DZIP3: variants seen among roughly 807,000 people sequenced by gnomAD.
The protein encoded by DZIP3 is E3 ubiquitin-protein ligase DZIP3.
Under a neutral mutation model 162.0 loss-of-function variants are expected in DZIP3, and 118 were observed. That is an observed-to-expected ratio of 0.73 (90% CI 0.63 to 0.85). The LOEUF is 0.85. Among genes scored for constraint, DZIP3 ranks in the 40% least tolerant of loss-of-function variants. DZIP3 has a pLI of 0.00. For missense variants in DZIP3, 1,331 were observed against 1,407.0 expected, an observed-to-expected ratio of 0.95 and a Z score of 0.86; for synonymous variants, 438 against 458.6, an observed-to-expected ratio of 0.96 and a Z score of 0.57.
At position 108,693,937 on chromosome 3, in the gene DZIP3, T is replaced by A. The variant is rs1944790208; in HGVS notation, c.*584T>A. On this transcript the variant is annotated 3_prime_UTR_variant, in exon 33 of 33. Coordinates refer to ENST00000361582, the MANE Select transcript of DZIP3 (RefSeq NM_014648.4). ...AAAGCTTGTCACTAAGAATTTTCATTTTTAGGGGTCAAAAACCTATTTTGA... is the reference window on the plus strand; with the variant it reads ...AAAGCTTGTCACTAAGAATTTTCATATTTAGGGGTCAAAAACCTATTTTGA... 1 of 152,144 alleles carries A rather than the reference T, an allele frequency of 6.6e-6. No individual in the cohort carries two copies. The highest frequency in any genetic ancestry group is 2.4e-5 in the African/African-American group (1 of 41,444). 9.4% of individuals were successfully genotyped at this position (152,144 alleles called of 1,614,324 possible).
At chr3:108,643,751 G>C (rs561197405) in intron 13 of DZIP3, among the ~76,000 whole-genome samples, 1 of 151,844 alleles carries the variant, frequency 6.6e-6, no homozygotes, top group African/African-American at 2.4e-5. Context: ...ATCACATGAC[G>C]TTCCATTGGG....
At chr3:108,631,055 A>ATACACTCTCTCTCTCTCT (rs1553705360) in intron 8 of DZIP3, among the ~76,000 whole-genome samples, 1 of 18,014 alleles carries the variant, frequency 5.6e-5, no homozygotes, top group Non-Finnish European at 9.0e-5. Context: ...ACACACACAC[A>ATACACTCTCTCTCTCTCT]CTCTCTCTCT....
chr3:108,660,694 AACAGGCAACCT>A (rs1943380491), intron 19 of DZIP3, among the ~76,000 whole-genome samples: 1 of 152,222 alleles, frequency 6.6e-6, no homozygotes, highest in African/African-American at 2.4e-5. Context: ...CATCAGAGTC[AACAGGCAACCT>A]ACAGAATGGG....
At chr3:108,630,768 A>G (rs1941796460) in intron 8 of DZIP3, among the ~76,000 whole-genome samples, 1 of 151,868 alleles carries the variant, frequency 6.6e-6, no homozygotes, top group Admixed American at 6.6e-5. Context: ...TTTATGCACA[A>G]TAATATATAT....
Position 108,677,538 on chromosome 3 carries a change from T to C in DZIP3, c.2823T>C (p.Phe941=). ...AAATAAACAAAGTCAAGCAAGGATT[T>C]GCCTTGAGTACCTTGCCTCCAGTCC... ...NEQINKVKQG[F]ALSTLPPVQL... is the part of the protein sequence containing the mutation. Residue 941 remains phenylalanine, a synonymous_variant, in exon 26 of 33, where the codon TTT becomes TTC. Coordinates refer to ENST00000361582, the MANE Select transcript of DZIP3 (RefSeq NM_014648.4). 10 of 1,612,776 alleles carry C rather than the reference T, an allele frequency of 6.2e-6. No homozygotes were observed. The highest frequency in any genetic ancestry group is 7.6e-6 in the Non-Finnish European group (9 of 1,179,058).
chr3:108,613,829 A>G (rs1046614890), intron 4 of DZIP3, among the ~76,000 whole-genome samples: 2 of 152,206 alleles, frequency 1.3e-5, no homozygotes, highest in African/African-American at 4.8e-5. Flanking sequence ...AATCAATAAA[A>G]GAGATAATCT....
chr3:108,590,580 G>T (rs929922448), intron 1 of DZIP3, among the ~76,000 whole-genome samples: 16 of 152,136 alleles, frequency 1.1e-4, no homozygotes, highest in African/African-American at 2.4e-4. Context: ...GTTAGAAACT[G>T]CCAGTCAGGG....
chr3:108,635,040 C>G (rs1942075109), intron 10 of DZIP3, 68 bp downstream of exon 10: 2 of 949,774 alleles, frequency 2.1e-6, no homozygotes, highest in South Asian at 3.6e-5. Flanking sequence ...TGTTCTCTTC[C>G]CCATCGTTTC....
intron 5 of DZIP3, among the ~76,000 whole-genome samples, chr3:108,623,190 C>T (rs1253487765): frequency 6.6e-6 from 1 of 152,014 alleles, no homozygotes; most frequent in Non-Finnish European, 1.5e-5. Flanking sequence ...ACTCAAGCTG[C>T]AAGACAAAGT....
intron 1 of DZIP3, among the ~76,000 whole-genome samples, chr3:108,600,801 A>G (rs368371783): frequency 1.3e-5 from 2 of 152,090 alleles, no homozygotes; most frequent in East Asian, 1.9e-4. Flanking sequence ...TGTACCTCCT[A>G]TGGATCCCTA....
At chr3:108,590,853 C>T (rs1029514574) in intron 1 of DZIP3, among the ~76,000 whole-genome samples, 2 of 152,070 alleles carry the variant, frequency 1.3e-5, no homozygotes, top group Admixed American at 6.5e-5. Context: ...ACTGTTCATT[C>T]AATAAGTAGT....
At chr3:108,602,375 A>T (rs1306327550) in intron 1 of DZIP3, among the ~76,000 whole-genome samples, 1 of 152,174 alleles carries the variant, frequency 6.6e-6, no homozygotes, top group Admixed American at 6.5e-5. Flanking sequence ...GTTTATTAAG[A>T]TATGGATGGT....
intron 9 of DZIP3, among the ~76,000 whole-genome samples, chr3:108,633,482 G>C (rs1336402433): frequency 6.6e-6 from 1 of 151,982 alleles, no homozygotes; most frequent in Non-Finnish European, 1.5e-5. Context: ...CTAAATAAGT[G>C]ATCATTTTCT....
At chr3:108,592,868 CA>C (rs1341051366) in intron 1 of DZIP3, among the ~76,000 whole-genome samples, 33 of 152,216 alleles carry the variant, frequency 2.2e-4, no homozygotes, top group African/African-American at 7.9e-4. Context: ...ATATCATCTG[CA>C]AATAATTACC....
chr3:108,673,168 A>G (rs977608318), intron 23 of DZIP3, among the ~76,000 whole-genome samples: 3 of 151,950 alleles, frequency 2.0e-5, no homozygotes, highest in Non-Finnish European at 4.4e-5. Context: ...TTTTATTTAT[A>G]CATAACAAAA....
At chr3:108,666,347 C>G (rs910198289) in intron 21 of DZIP3, among the ~76,000 whole-genome samples, 1 of 152,064 alleles carries the variant, frequency 6.6e-6, no homozygotes, top group African/African-American at 2.4e-5. Flanking sequence ...GATCAATCCA[C>G]AAGAACCTCA....
Position 108,633,045 on chromosome 3 carries a change from TG to T in DZIP3, c.790del (p.Asp264ThrfsTer3). ...TAGATTGTGAACGATCTTGTGAAGC[TG>T]ACATTTTGAAGAACACCAGTTATAA... The part of the protein sequence containing the change: ...YLDCERSCEA[D>X]ILKNTSYKGF... On this transcript the variant is annotated frameshift_variant, in exon 9 of 33. Transcript: ENST00000361582. LOFTEE classifies it high-confidence loss of function. 6.8e-7 allele frequency: 1 copy of T among 1,480,496 alleles called. No individual in the cohort carries two copies. The highest frequency in any genetic ancestry group is 1.6e-5 in the South Asian group (1 of 62,730). 91.7% of individuals were successfully genotyped at this position (1,480,496 alleles called of 1,614,324 possible).
At chr3:108,675,039 TTGTA>T (rs1290418476) in intron 24 of DZIP3, among the ~76,000 whole-genome samples, 1 of 151,830 alleles carries the variant, frequency 6.6e-6, no homozygotes, top group Non-Finnish European at 1.5e-5. Context: ...TGGAACTTCT[TTGTA>T]TGAGATTATG....
At chr3:108,609,078 C>T (rs1940553819) in intron 3 of DZIP3, among the ~76,000 whole-genome samples, 1 of 152,060 alleles carries the variant, frequency 6.6e-6, no homozygotes, top group Non-Finnish European at 1.5e-5. Flanking sequence ...GAACTCTTAT[C>T]ATGCGACAGC....
Sources: gnomAD v4.1 joint callset for allele counts (sites outside exome capture counted in the v4.1 genomes callset) on GRCh38, gnomAD v4.1.1 for gene constraint, MANE v1.5 for transcripts, NCBI Gene and HGNC (gene_info 2026-07-23, HGNC 2026-07-21) for gene names.